The following ITFG1 variants were observed in gnomAD, a reference collection of about 807,000 sequenced individuals.
ITFG1 encodes integrin alpha FG-GAP repeat containing 1, also known as T-cell immunomodulatory protein.
A neutral mutation model predicts 81.8 loss-of-function variants in ITFG1; 34 were observed. That is an observed-to-expected ratio of 0.42 (90% CI 0.32 to 0.55). The LOEUF (loss-of-function observed/expected upper bound fraction) is 0.55, where lower values mean the gene tolerates loss of function less well. Ranked by LOEUF, ITFG1 falls within the 20% of genes least tolerant of loss-of-function variation. The pLI, the probability that ITFG1 is intolerant of heterozygous loss-of-function variation, is 0.17. For missense variants in ITFG1, 672 were observed against 755.4 expected (o/e 0.89, Z 1.29); for synonymous variants, 285 against 270.6 (o/e 1.05, Z -0.52).
chr16:47,375,226 C>T (rs1034608589), intron 7 of ITFG1, among the ~76,000 whole-genome samples: 17 of 152,132 alleles, frequency 1.1e-4, no homozygotes, highest in African/African-American at 3.6e-4. Flanking sequence ...CAATACTTCA[C>T]GAATGTCACT....
At chr16:47,158,786 T>C in intron 17 of ITFG1, 87 bp downstream of exon 17, 1 of 582,316 alleles carries the variant, frequency 1.7e-6, no homozygotes. Context: ...GAAAAAAGTT[T>C]AAAATAAATA....
At position 47,450,455 on chromosome 16, in the gene ITFG1, T is replaced by C. The variant is rs554977387; in HGVS notation, c.560+941A>G. The C allele has an allele frequency of 1.2e-4, 50 of 413,034 alleles. No homozygotes were observed. In the East Asian group the frequency reaches 4.4e-3, roughly 36 times the overall value. The allele number at this position is 413,034 out of a possible 1,614,324, so 25.6% of individuals were successfully genotyped here. On this transcript the variant is annotated intron_variant, in intron 5 of 17. Transcript: ENST00000320640. The stretch of plus-strand genomic sequence containing the variant: ...TGGGGCGCGTTCAGGGTGGTATGGC[T>C]GTAAACCAGAAAAAGTAATAGGAAA...
chr16:47,397,333 G>A (rs945569426), intron 6 of ITFG1, among the ~76,000 whole-genome samples: 4 of 152,162 alleles, frequency 2.6e-5, no homozygotes, highest in Admixed American at 6.6e-5. Flanking sequence ...GGATGGGTAA[G>A]TTAGGAGACA....
Position 47,264,545 on chromosome 16 carries a change from TACACACACACACACAC to T in ITFG1, c.1071-3866_1071-3851del, listed in dbSNP as rs60424367. Among the ~76,000 whole-genome samples the T allele has an allele frequency of 7.1e-3, 963 of 136,122 alleles. 9 individuals are homozygous for T. The highest frequency in any genetic ancestry group is 0.052 in the South Asian group (210 of 4,060). The allele number at this position is 136,122 out of a possible 152,430, so 89.3% of individuals were successfully genotyped here. On this transcript the variant is annotated intron_variant, in intron 10 of 17. Coordinates refer to ENST00000320640, the MANE Select transcript of ITFG1 (RefSeq NM_030790.5). ...CAGGTTATTGCCAACTGTTCTCTATTACACACACACACACACACACACACACACACACACACACACA... is the reference window on the plus strand; with the variant it reads ...CAGGTTATTGCCAACTGTTCTCTATTACACACACACACACACACACACACA...
intron 14 of ITFG1, among the ~76,000 whole-genome samples, chr16:47,207,335 C>A (rs1025322752): frequency 6.6e-6 from 1 of 152,186 alleles, no homozygotes; most frequent in African/African-American, 2.4e-5. Flanking sequence ...CCGCCCATCT[C>A]GGCCTCCCAA....
chr16:47,451,890 T>C (rs1409763665), intron 4 of ITFG1, among the ~76,000 whole-genome samples: 5 of 152,226 alleles, frequency 3.3e-5, no homozygotes, highest in Non-Finnish European at 7.3e-5. Flanking sequence ...TAGACTACCC[T>C]TGAATGATAA....
intron 10 of ITFG1, among the ~76,000 whole-genome samples, chr16:47,302,139 A>G (rs1168844808): frequency 6.6e-6 from 1 of 152,258 alleles, no homozygotes; most frequent in Non-Finnish European, 1.5e-5. Flanking sequence ...ACCTGCTACT[A>G]AAACAGAGAG....
At chr16:47,457,630 T>C (rs1969470717) in intron 2 of ITFG1, among the ~76,000 whole-genome samples, 1 of 152,170 alleles carries the variant, frequency 6.6e-6, no homozygotes, top group Non-Finnish European at 1.5e-5. Context: ...GGGTGAAGAA[T>C]AGTTATTTTT....
In ITFG1 at chr16:47,313,802, T is replaced by C; in HGVS notation, c.824A>G (p.His275Arg). 6.2e-7 allele frequency: 1 copy of C among 1,605,050 alleles called. No individual in the cohort carries two copies. The highest frequency in any genetic ancestry group is 8.5e-7 in the Non-Finnish European group (1 of 1,174,964). Reference protein sequence around the residue: ...ADFDGDGHMDHLLPGCEDKNC... With the variant: ...ADFDGDGHMDRLLPGCEDKNC... ...TTTATCTTCACAGCCTGGCAGTAAA[T>C]GATCCATGTGTCCATCTCCATCTGC... Residue 275 changes from histidine to arginine, a missense_variant, in exon 9 of 18, where the codon CAT becomes CGT. His to Arg is a conservative substitution (Grantham distance 29). This residue lies in a region of ITFG1 where 560 missense variants were observed against 625.7 expected (regional missense o/e 0.90). Coordinates refer to ENST00000320640, the MANE Select transcript of ITFG1 (RefSeq NM_030790.5).
intron 6 of ITFG1, among the ~76,000 whole-genome samples, chr16:47,422,935 T>C (rs1968969972): frequency 6.6e-6 from 1 of 152,232 alleles, no homozygotes. Flanking sequence ...AGATGTCTAT[T>C]AGGTCCGCTT....
Position 47,454,164 on chromosome 16 carries a change from A to T in ITFG1, c.282-6T>A, listed in dbSNP as rs768444775. 1 of 1,591,730 alleles carries T rather than the reference A, an allele frequency of 6.3e-7. No individual in the cohort carries two copies. The highest frequency in any genetic ancestry group is 8.6e-7 in the Non-Finnish European group (1 of 1,165,970). On this transcript the variant is annotated splice_region_variant and splice_polypyrimidine_tract_variant and intron_variant, in intron 2 of 17. Coordinates refer to ENST00000320640, the MANE Select transcript of ITFG1 (RefSeq NM_030790.5). ...TTATCAATGCACTGTGATTCCTAAA[A>T]GAAACAAGCATTTACAAATATCAGA...
intron 10 of ITFG1, among the ~76,000 whole-genome samples, chr16:47,273,134 AT>A (rs932743754): frequency 1.3e-5 from 2 of 151,544 alleles, no homozygotes; most frequent in Non-Finnish European, 2.9e-5. Flanking sequence ...CATTTTAGTC[AT>A]TTCTATATTC....
chr16:47,166,585 C>G (rs944605326), intron 14 of ITFG1, among the ~76,000 whole-genome samples: 1 of 152,058 alleles, frequency 6.6e-6, no homozygotes, highest in Non-Finnish European at 1.5e-5. Flanking sequence ...CCAAAGGAAA[C>G]AGCGTAAAAG....
intron 14 of ITFG1, among the ~76,000 whole-genome samples, chr16:47,217,518 C>G (rs959285575): frequency 1.9e-4 from 29 of 152,106 alleles, no homozygotes; most frequent in Admixed American, 7.9e-4. Flanking sequence ...GTCCCAGAGC[C>G]TTTTTTGTAA....
chr16:47,347,452 G>A lies in ITFG1; in HGVS notation c.802+18336C>T, dbSNP rs1028405474. On this transcript the variant is annotated intron_variant, in intron 8 of 17. Transcript: ENST00000320640. ...GCATGGGGCCTTGCTCATTGCTAGC[G>A]CAGCAGTCTGAGATCGAACTGCAAG... 1.8e-4 allele frequency among the ~76,000 whole-genome samples: 27 copies of A among 152,364 alleles called. No individual in the cohort carries two copies. The South Asian group carries it at 2.5e-3, about 14-fold the overall frequency.
At chr16:47,445,020 C>T (rs57884999) in intron 5 of ITFG1, among the ~76,000 whole-genome samples, 10,357 of 151,474 alleles carry the variant, frequency 0.068, 584 homozygotes, top group African/African-American at 0.15. Flanking sequence ...CTACCACAAC[C>T]CCACTCCAGT....
At chr16:47,182,938 G>A (rs1393104667) in intron 14 of ITFG1, among the ~76,000 whole-genome samples, 2 of 152,208 alleles carry the variant, frequency 1.3e-5, no homozygotes, top group South Asian at 2.1e-4. Flanking sequence ...GAAGCAGGGC[G>A]AGCCATTGCC....
chr16:47,461,152 G>A, upstream of ITFG1: 2 of 1,163,572 alleles, frequency 1.7e-6, no homozygotes, highest in Non-Finnish European at 2.3e-6. Flanking sequence ...GGACGCGTAA[G>A]AGCCGCTGCC....
At chr16:47,305,046 A>G (rs1190675724) in intron 10 of ITFG1, among the ~76,000 whole-genome samples, 1 of 152,226 alleles carries the variant, frequency 6.6e-6, no homozygotes, top group East Asian at 1.9e-4. Context: ...AAACAAATTT[A>G]GAAGTGTACT....
Sources: allele counts gnomAD v4.1 joint callset (sites outside exome capture counted in the v4.1 genomes callset), GRCh38; gene constraint gnomAD v4.1.1; regional missense constraint gnomAD v4.1.1; transcripts MANE v1.5; gene names NCBI Gene and HGNC (gene_info 2026-07-23, HGNC 2026-07-21).